EXOC6B: variants seen among roughly 807,000 people sequenced by gnomAD.
EXOC6B encodes the protein exocyst complex component 6B, also known as SEC15 homolog B.
A neutral mutation model predicts 113.5 loss-of-function variants in EXOC6B; 54 were observed. The ratio of observed to expected loss-of-function variants is 0.48; its 90% CI spans 0.38 to 0.60. The LOEUF is 0.60. EXOC6B is among the 20% of genes least tolerant of loss of function. The pLI is 0.00. For missense variants in EXOC6B, 797 were observed against 977.5 expected, an observed-to-expected ratio of 0.82 and a Z score of 2.46; for synonymous variants, 357 against 339.0, an observed-to-expected ratio of 1.05 and a Z score of -0.58.
intron 6 of EXOC6B, among the ~76,000 whole-genome samples, chr2:72,658,484 T>G (rs1039747561): frequency 6.6e-6 from 1 of 151,882 alleles, no homozygotes; most frequent in Admixed American, 6.6e-5. Context: ...TTATAATGGA[T>G]CCAAGGAAGA....
In EXOC6B at chr2:72,609,128, A is replaced by G. The variant is rs1475361938; in HGVS notation, c.670-33460T>C. ...AGGAAGATCGAGATGGTACCAGAAAATACAGGGAGATATAGTGTTCAGATC... is the reference window on the plus strand; with the variant it reads ...AGGAAGATCGAGATGGTACCAGAAAGTACAGGGAGATATAGTGTTCAGATC... On this transcript the variant is annotated intron_variant, in intron 6 of 21. Transcript: ENST00000272427. Among the ~76,000 whole-genome samples the G allele has an allele frequency of 5.3e-5, 8 of 152,136 alleles. 1 individual carries two copies. In the East Asian group the frequency reaches 1.5e-3, roughly 29 times the overall value.
intron 20 of EXOC6B, among the ~76,000 whole-genome samples, chr2:72,216,662 C>A (rs1463561508): frequency 1.3e-5 from 2 of 152,148 alleles, no homozygotes; most frequent in Non-Finnish European, 2.9e-5. Flanking sequence ...AAATGCCCAT[C>A]AGTGATAGAC....
intron 6 of EXOC6B, among the ~76,000 whole-genome samples, chr2:72,649,868 C>T (rs895155707): frequency 1.4e-5 from 2 of 146,212 alleles, no homozygotes; most frequent in African/African-American, 5.0e-5. Flanking sequence ...TAAACATAAG[C>T]AAAAAAAAAA....
chr2:72,499,961 A>G lies in EXOC6B; in HGVS notation c.1179T>C (p.Ser393=). ...AALRTHSSYC[S]DPNLVLDLKN... ...TCAAATCTAACACAAGGTTTGGATC[A>G]GAACAGTAAGACTAAAGTAAATAAA... The change falls in exon 12 of 22, where the codon TCT becomes TCC. Residue 393 remains serine, a synonymous_variant. Transcript: ENST00000272427. 1.3e-6 allele frequency: 2 copies of G among 1,549,090 alleles called. No homozygotes were observed. The highest frequency in any genetic ancestry group is 1.7e-6 in the Non-Finnish European group (2 of 1,144,156).
At chr2:72,275,370 T>C (rs912911208) in intron 20 of EXOC6B, among the ~76,000 whole-genome samples, 1 of 152,156 alleles carries the variant, frequency 6.6e-6, no homozygotes, top group Non-Finnish European at 1.5e-5. Flanking sequence ...CAACACTTCA[T>C]GGCTCACAGC....
chr2:72,313,506 C>CTATCT (rs1432721820), intron 20 of EXOC6B, among the ~76,000 whole-genome samples: 2 of 152,132 alleles, frequency 1.3e-5, no homozygotes, highest in Non-Finnish European at 2.9e-5. Flanking sequence ...TCAAGACTCA[C>CTATCT]TATCTCTGCA....
At chr2:72,663,877 C>A (rs1233770737) in intron 6 of EXOC6B, among the ~76,000 whole-genome samples, 1 of 152,004 alleles carries the variant, frequency 6.6e-6, no homozygotes, top group Non-Finnish European at 1.5e-5. Flanking sequence ...TCAATATTGG[C>A]TCATCAATTA....
chr2:72,645,959 G>A (rs934669391), intron 6 of EXOC6B, among the ~76,000 whole-genome samples: 18 of 152,172 alleles, frequency 1.2e-4, no homozygotes, highest in African/African-American at 3.6e-4. Context: ...AACTGAAGGA[G>A]ATAGAGACAC....
chr2:72,185,683 G>A (rs1678377774), intron 20 of EXOC6B, among the ~76,000 whole-genome samples: 1 of 150,612 alleles, frequency 6.6e-6, no homozygotes, highest in East Asian at 1.9e-4. Flanking sequence ...GCCTCAGAGA[G>A]TTATCCTTTA....
At chr2:72,705,847 TAAAC>T (rs1678831207) in intron 6 of EXOC6B, among the ~76,000 whole-genome samples, 1 of 152,190 alleles carries the variant, frequency 6.6e-6, no homozygotes, top group African/African-American at 2.4e-5. Context: ...GTTGAGATCT[TAAAC>T]AAGAGGGAAT....
At chr2:72,200,175 G>A (rs1410321199) in intron 20 of EXOC6B, among the ~76,000 whole-genome samples, 2 of 152,142 alleles carry the variant, frequency 1.3e-5, no homozygotes, top group East Asian at 3.9e-4. Context: ...GGAATTACAA[G>A]CATGAGCCAC....
intron 7 of EXOC6B, among the ~76,000 whole-genome samples, chr2:72,560,701 G>A (rs1224391484): frequency 1.3e-5 from 2 of 152,026 alleles, no homozygotes; most frequent in African/African-American, 2.4e-5. Flanking sequence ...GCACCCATGA[G>A]AGCAAAGATT....
At chr2:72,617,460 A>G (rs1671459914) in intron 6 of EXOC6B, among the ~76,000 whole-genome samples, 3 of 145,018 alleles carry the variant, frequency 2.1e-5, no homozygotes, top group Admixed American at 1.4e-4. Context: ...GCATCCAGGT[A>G]TTTTCATACT....
chr2:72,281,045 AG>A (rs1685096770), intron 20 of EXOC6B, among the ~76,000 whole-genome samples: 2 of 152,310 alleles, frequency 1.3e-5, no homozygotes, highest in Admixed American at 6.5e-5. Flanking sequence ...ATTGGAGTCC[AG>A]GTTCCACCTA....
At chr2:72,432,947 C>G (rs1170853662) in intron 18 of EXOC6B, among the ~76,000 whole-genome samples, 1 of 152,160 alleles carries the variant, frequency 6.6e-6, no homozygotes, top group African/African-American at 2.4e-5. Flanking sequence ...GCTTTCGTTG[C>G]AATTGCTTTT....
intron 20 of EXOC6B, among the ~76,000 whole-genome samples, chr2:72,299,733 CT>C (rs200360929): frequency 0.018 from 2,679 of 152,206 alleles, 74 homozygotes; most frequent in African/African-American, 0.06. Flanking sequence ...AGTGGATGTC[CT>C]TTTTGTTGAT....
chr2:72,346,836 A>G (rs1689366351), intron 19 of EXOC6B, among the ~76,000 whole-genome samples: 1 of 152,178 alleles, frequency 6.6e-6, no homozygotes. Context: ...AGTATTCCAT[A>G]GACAAATAAT....
chr2:72,342,727 A>G (rs1202888825), intron 19 of EXOC6B, among the ~76,000 whole-genome samples: 2 of 152,140 alleles, frequency 1.3e-5, no homozygotes, highest in African/African-American at 2.4e-5. Flanking sequence ...TGAGGCCAAG[A>G]CCAGCCTGGG....
chr2:72,201,174 CTTA>C (rs1330373540), intron 20 of EXOC6B, among the ~76,000 whole-genome samples: 1 of 151,962 alleles, frequency 6.6e-6, no homozygotes, highest in African/African-American at 2.4e-5. Flanking sequence ...TTCATTCAAT[CTTA>C]TGTTTTCAAG....
Sources: allele counts gnomAD v4.1 joint callset (sites outside exome capture counted in the v4.1 genomes callset), GRCh38; gene constraint gnomAD v4.1.1; transcripts MANE v1.5; gene names NCBI Gene and HGNC (gene_info 2026-07-23, HGNC 2026-07-21).